Variants in KIFC3 observed in about 807,000 individuals in gnomAD.
KIFC3 encodes kinesin-like protein KIFC3.
KIFC3 carries 60 observed loss-of-function variants against 101.8 expected under a neutral mutation model. The observed-to-expected ratio is 0.59, with a 90% CI of 0.48 to 0.73. KIFC3 has a LOEUF of 0.73. Ranked by LOEUF, KIFC3 falls within the 30% of genes least tolerant of loss-of-function variation. The probability of loss-of-function intolerance (pLI) is 0.00; values close to 1 mark genes in which losing one functional copy is unlikely to be tolerated. For missense variants in KIFC3, 966 were observed against 1,137.1 expected, an observed-to-expected ratio of 0.85 and a Z score of 2.16; for synonymous variants, 476 against 482.7, an observed-to-expected ratio of 0.99 and a Z score of 0.18.
intron 10 of KIFC3, among the ~76,000 whole-genome samples, chr16:57,766,395 A>C (rs1377813494): frequency 6.6e-6 from 1 of 152,158 alleles, no homozygotes; most frequent in Non-Finnish European, 1.5e-5. Context: ...TTCCCTGACA[A>C]TCATCATTGT....
intron 3 of KIFC3, chr16:57,776,110 C>A: frequency 1.0e-6 from 1 of 985,508 alleles, no homozygotes; most frequent in South Asian, 4.7e-5. Flanking sequence ...AGAAAGAAAA[C>A]CTGCTGGTTA....
At chr16:57,815,637 T>C (rs782096973) in intron 1 of KIFC3, 3 of 1,289,816 alleles carry the variant, frequency 2.3e-6, no homozygotes, top group African/African-American at 3.0e-5. Context: ...AAACGGAGGC[T>C]CCAAAAACGT....
At chr16:57,832,887 G>T (rs1461146118) in intron 1 of KIFC3, among the ~76,000 whole-genome samples, 1 of 152,048 alleles carries the variant, frequency 6.6e-6, no homozygotes, top group African/African-American at 2.4e-5. Context: ...GATCATGTTG[G>T]ACTGGCTCTT....
chr16:57,824,788 A>G (rs1555630523), intron 1 of KIFC3, among the ~76,000 whole-genome samples: 1 of 152,190 alleles, frequency 6.6e-6, no homozygotes, highest in Non-Finnish European at 1.5e-5. Flanking sequence ...TGGGGAGGCC[A>G]GCCCTGCACC....
At chr16:57,791,981 C>T (rs960155179) in intron 3 of KIFC3, among the ~76,000 whole-genome samples, 6 of 152,186 alleles carry the variant, frequency 3.9e-5, no homozygotes, top group African/African-American at 1.4e-4. Context: ...CCCCTGCACC[C>T]GTGTTCAGAT....
upstream of KIFC3, chr16:57,803,018 C>G (rs1555626124): frequency 6.5e-7 from 1 of 1,535,948 alleles, no homozygotes; most frequent in East Asian, 2.4e-5. Flanking sequence ...CACATGCACT[C>G]ACACTGTTTA....
At chr16:57,768,062 A>G (rs557642836) in intron 9 of KIFC3, among the ~76,000 whole-genome samples, 78 of 151,798 alleles carry the variant, frequency 5.1e-4, no homozygotes, top group African/African-American at 1.7e-3. Flanking sequence ...GCAGTGGCTC[A>G]TGCCGGTAAT....
chr16:57,843,221 ACAGGCAAAT>A (rs1411077337), intron 1 of KIFC3, among the ~76,000 whole-genome samples: 1 of 152,190 alleles, frequency 6.6e-6, no homozygotes, highest in African/African-American at 2.4e-5. Flanking sequence ...AAAGAATCTC[ACAGGCAAAT>A]CAGGGCAAAA....
At chr16:57,831,779 G>A (rs1555479342) in intron 1 of KIFC3, among the ~76,000 whole-genome samples, 1 of 152,182 alleles carries the variant, frequency 6.6e-6, no homozygotes, top group Admixed American at 6.5e-5. Context: ...AACAATGAGG[G>A]CCTAGACTTT....
At chr16:57,860,054 A>G (rs1276866738) in intron 1 of KIFC3, among the ~76,000 whole-genome samples, 2 of 121,862 alleles carry the variant, frequency 1.6e-5, no homozygotes, top group African/African-American at 6.7e-5. Flanking sequence ...AAATAAAATA[A>G]AATAAAATAA....
At chr16:57,833,870 T>C (rs2055633398) in intron 1 of KIFC3, among the ~76,000 whole-genome samples, 1 of 141,464 alleles carries the variant, frequency 7.1e-6, no homozygotes, top group East Asian at 2.0e-4. Context: ...CAGTTGCTTT[T>C]TTTTTTTTTT....
chr16:57,789,848 T>C (rs2053696758), intron 3 of KIFC3, among the ~76,000 whole-genome samples: 1 of 152,112 alleles, frequency 6.6e-6, no homozygotes, highest in Non-Finnish European at 1.5e-5. Context: ...GCGATTCTCC[T>C]GCCTCAGCCT....
rs1218179420 is a variant in KIFC3, at chr16:57,771,090, C to T, written c.765+108G>A. On this transcript the variant is annotated intron_variant, in intron 6 of 19. Coordinates refer to ENST00000445690, the MANE Select transcript of KIFC3 (RefSeq NM_001130100.2). ...CACAGAACTGGAATGATTCTTCCAC[C>T]CACACACACCTACCTATTCACCAGG... The T allele has an allele frequency of 3.6e-6, 5 of 1,370,098 alleles. No homozygotes were observed. The Admixed American group carries it at 7.5e-5, about 21-fold the overall frequency. 84.9% of individuals were successfully genotyped at this position (1,370,098 alleles called of 1,614,324 possible).
intron 2 of KIFC3, among the ~76,000 whole-genome samples, chr16:57,796,669 T>C (rs1318487748): frequency 1.3e-5 from 2 of 152,210 alleles, no homozygotes; most frequent in Non-Finnish European, 2.9e-5. Flanking sequence ...TATGGTCATA[T>C]AATCTTCATA....
Position 57,817,381 on chromosome 16 carries a change from A to G in KIFC3, c.109-19099T>C, listed in dbSNP as rs1054189464. Among the ~76,000 whole-genome samples, 11 of 152,010 alleles carry G rather than the reference A, an allele frequency of 7.2e-5. No homozygotes were observed. In the South Asian group the frequency reaches 1.7e-3, roughly 23 times the overall value. On this transcript the variant is annotated intron_variant, in intron 1 of 2. Transcript: ENST00000563028. Reference sequence around the variant, plus strand: ...CTCAACAGAAAAAAAAAAAGAGAAGAAAGAAAAGAAAAAGAAAAAGGACTG... The same window carrying G: ...CTCAACAGAAAAAAAAAAAGAGAAGGAAGAAAAGAAAAAGAAAAAGGACTG...
In KIFC3 at chr16:57,766,996, G is replaced by T; in HGVS notation, c.1219-11C>A. The T allele has an allele frequency of 6.3e-7, 1 of 1,593,966 alleles. No individual in the cohort carries two copies. Among genetic ancestry groups the T allele is most frequent in the Non-Finnish European group, 8.6e-7 (1 of 1,162,984 alleles). On this transcript the variant is annotated splice_polypyrimidine_tract_variant and intron_variant, in intron 9 of 19. Transcript: ENST00000445690. ...GATGGCCTGGCCTATCTGGTGGGGG[G>T]TGCACACCACTGTCAGGGGGACGGC... is the stretch of plus-strand genomic sequence containing the variant.
At chr16:57,770,845 T>C (rs1332190031) in intron 6 of KIFC3, 145 bp from the exon 7 acceptor site, 2 of 743,642 alleles carry the variant, frequency 2.7e-6, no homozygotes, top group Non-Finnish European at 4.0e-6. Context: ...CTTGAGGTCC[T>C]GGCTTTCCAG....
intron 3 of KIFC3, chr16:57,782,271 G>T: frequency 2.2e-6 from 1 of 464,732 alleles, no homozygotes; most frequent in South Asian, 9.1e-5. Context: ...GCTCAGAGAG[G>T]AAGTGACTTC....
At chr16:57,847,499 G>A (rs1310744116) in intron 1 of KIFC3, among the ~76,000 whole-genome samples, 1 of 152,054 alleles carries the variant, frequency 6.6e-6, no homozygotes, top group African/African-American at 2.4e-5. Context: ...ATTGGTGTGG[G>A]GAAGAAACAA....
Sources: allele counts gnomAD v4.1 joint callset (sites outside exome capture counted in the v4.1 genomes callset), GRCh38; gene constraint gnomAD v4.1.1; transcripts MANE v1.5; gene names NCBI Gene and HGNC (gene_info 2026-07-23, HGNC 2026-07-21).